Variants in SEMA5A observed in about 807,000 individuals in gnomAD.
SEMA5A encodes semaphorin-5A.
SEMA5A carries 55 observed loss-of-function variants against 135.5 expected under a neutral mutation model. That is an observed-to-expected ratio of 0.41 (90% CI 0.33 to 0.51). The LOEUF (loss-of-function observed/expected upper bound fraction) is 0.51, where lower values mean the gene tolerates loss of function less well. SEMA5A is among the 20% of genes least tolerant of loss of function. The pLI, the probability that SEMA5A is intolerant of heterozygous loss-of-function variation, is 0.37. For synonymous variants in SEMA5A, 580 were observed against 546.5 expected, an observed-to-expected ratio of 1.06 and a Z score of -0.85; for missense variants, 1,290 against 1,419.9, an observed-to-expected ratio of 0.91 and a Z score of 1.47.
At chr5:9,401,305 T>C (rs1310903311) in intron 2 of SEMA5A, among the ~76,000 whole-genome samples, 1 of 152,236 alleles carries the variant, frequency 6.6e-6, no homozygotes, top group Non-Finnish European at 1.5e-5. Context: ...CATATTTTAC[T>C]GTACAGTGTG....
intron 5 of SEMA5A, among the ~76,000 whole-genome samples, chr5:9,301,766 T>C (rs572455975): frequency 6.6e-6 from 1 of 152,270 alleles, no homozygotes; most frequent in East Asian, 1.9e-4. Context: ...CTGGGAGACC[T>C]GCCCACCTGC....
chr5:9,342,943 C>A (rs566889700), intron 3 of SEMA5A, among the ~76,000 whole-genome samples: 1 of 152,222 alleles, frequency 6.6e-6, no homozygotes, highest in South Asian at 2.1e-4. Context: ...ATTTAGCTTC[C>A]TATACAGCAC....
intron 5 of SEMA5A, among the ~76,000 whole-genome samples, chr5:9,282,435 A>G (rs1319206044): frequency 6.6e-6 from 1 of 152,210 alleles, no homozygotes; most frequent in Non-Finnish European, 1.5e-5. Flanking sequence ...GGATTTCTAA[A>G]GGCAGAATCC....
intron 10 of SEMA5A, 109 bp from the exon 11 acceptor site, chr5:9,190,580 C>T: frequency 1.0e-6 from 1 of 964,180 alleles, no homozygotes; most frequent in South Asian, 1.4e-5. Context: ...AGCCACAATC[C>T]ATCATTGAAG....
At position 9,396,237 on chromosome 5, in the gene SEMA5A, C is replaced by T. The variant is rs72727288; in HGVS notation, c.-77-16214G>A. On this transcript the variant is annotated intron_variant, in intron 2 of 22. Coordinates refer to ENST00000382496, the MANE Select transcript of SEMA5A (RefSeq NM_003966.3). ...CAGAACGGTCTCTTTTGATTTAATG[C>T]GCGTGCGTGCACACACACACACACA... Among the ~76,000 whole-genome samples the T allele has an allele frequency of 6.4e-3, 834 of 129,466 alleles. 7 individuals carry two copies. The highest frequency in any genetic ancestry group is 0.011 in the Non-Finnish European group (654 of 60,404). The allele number at this position is 129,466 out of a possible 152,430, so 84.9% of individuals were successfully genotyped here. A position where few individuals can be genotyped will look rare whatever the true frequency, so the allele number is the denominator to read the frequency against.
chr5:9,277,757 T>C (rs941891650), intron 5 of SEMA5A, among the ~76,000 whole-genome samples: 3 of 151,530 alleles, frequency 2.0e-5, no homozygotes, highest in Admixed American at 6.6e-5. Context: ...TAAGTGGGAG[T>C]TGAACAATGA....
chr5:9,384,527 TATAG>T (rs10547408), intron 2 of SEMA5A, among the ~76,000 whole-genome samples: 7,212 of 96,410 alleles, frequency 0.075, 411 homozygotes, highest in African/African-American at 0.098. Context: ...GAACCTCTGC[TATAG>T]ATAGATAGAT....
intron 3 of SEMA5A, among the ~76,000 whole-genome samples, chr5:9,343,671 C>A (rs1004834652): frequency 1.3e-5 from 2 of 152,032 alleles, no homozygotes; most frequent in Non-Finnish European, 2.9e-5. Flanking sequence ...TGAGCCAAAA[C>A]TATGATAGAA....
At chr5:9,051,757 G>C (rs1297228249) in intron 20 of SEMA5A, 116 bp downstream of exon 20, 1 of 1,280,408 alleles carries the variant, frequency 7.8e-7, no homozygotes, top group Non-Finnish European at 1.1e-6. Flanking sequence ...CATGGGGCTT[G>C]ATGGAATCAT....
At chr5:9,226,780 T>C in intron 7 of SEMA5A, 89 bp downstream of exon 7, 1 of 975,826 alleles carries the variant, frequency 1.0e-6, no homozygotes. Flanking sequence ...CACCTTGGTG[T>C]ATAGAAATTC....
intron 11 of SEMA5A, among the ~76,000 whole-genome samples, chr5:9,158,686 A>G (rs553636339): frequency 1.2e-4 from 18 of 152,256 alleles, no homozygotes; most frequent in Admixed American, 2.6e-4. Context: ...TCATTATGCT[A>G]TGGACACAAA....
At chr5:9,288,121 G>A (rs979114831) in intron 5 of SEMA5A, among the ~76,000 whole-genome samples, 1 of 152,190 alleles carries the variant, frequency 6.6e-6, no homozygotes, top group African/African-American at 2.4e-5. Flanking sequence ...ATTAAAATAT[G>A]TTTTAGGATA....
chr5:9,234,033 C>T (rs943323392), intron 6 of SEMA5A, among the ~76,000 whole-genome samples: 5 of 152,144 alleles, frequency 3.3e-5, no homozygotes, highest in Non-Finnish European at 7.3e-5. Flanking sequence ...ATTCTGTTCT[C>T]ATAAGAACTT....
intron 1 of SEMA5A, among the ~76,000 whole-genome samples, chr5:9,508,282 G>GC (rs1281899429): frequency 1.3e-5 from 2 of 152,050 alleles, no homozygotes; most frequent in Non-Finnish European, 2.9e-5. Context: ...TCCTCATGAA[G>GC]CCCCCACCAC....
chr5:9,367,396 G>T (rs1754961795), intron 3 of SEMA5A: 1 of 151,976 alleles, frequency 6.6e-6, no homozygotes, highest in Admixed American at 6.6e-5. Flanking sequence ...CCCTGAAAAG[G>T]TAAAAGAAGA....
chr5:9,125,441 A>G (rs1188390827), intron 13 of SEMA5A, among the ~76,000 whole-genome samples: 1 of 152,136 alleles, frequency 6.6e-6, no homozygotes, highest in Non-Finnish European at 1.5e-5. Flanking sequence ...CCCATTACCT[A>G]GGTTTTAAAC....
chr5:9,490,456 A>T (rs1205176959), intron 1 of SEMA5A, among the ~76,000 whole-genome samples: 3 of 152,162 alleles, frequency 2.0e-5, no homozygotes, highest in East Asian at 1.9e-4. Flanking sequence ...TGAAAAAAAA[A>T]TTTTAATAAT....
chr5:9,458,920 T>G (rs1480102596), intron 1 of SEMA5A, among the ~76,000 whole-genome samples: 1 of 152,168 alleles, frequency 6.6e-6, no homozygotes, highest in Non-Finnish European at 1.5e-5. Context: ...ACTTTCAGCT[T>G]CAGTTAGAAT....
intron 1 of SEMA5A, among the ~76,000 whole-genome samples, chr5:9,536,042 C>T (rs1181868851): frequency 1.3e-5 from 2 of 152,172 alleles, no homozygotes; most frequent in African/African-American, 4.8e-5. Flanking sequence ...ATAGCAGCAG[C>T]AGCTTGAATC....
Sources: allele counts gnomAD v4.1 joint callset (sites outside exome capture counted in the v4.1 genomes callset), GRCh38; gene constraint gnomAD v4.1.1; transcripts MANE v1.5; gene names NCBI Gene and HGNC (gene_info 2026-07-23, HGNC 2026-07-21).